MAPRE2: variants seen among roughly 807,000 people sequenced by gnomAD.
MAPRE2 encodes microtubule associated protein RP/EB family member 2.
In MAPRE2, 13 loss-of-function variants were observed where a neutral mutation model predicts 43.2. The ratio of observed to expected loss-of-function variants is 0.30; its 90% CI spans 0.20 to 0.48. The LOEUF is 0.48. Ranked by LOEUF, MAPRE2 falls within the 20% of genes least tolerant of loss-of-function variation. The probability of loss-of-function intolerance (pLI) is 0.99; values close to 1 mark genes in which losing one functional copy is unlikely to be tolerated. For missense variants in MAPRE2, 161 were observed against 400.2 expected (o/e 0.40, Z 5.10); for synonymous variants, 135 against 148.8 (o/e 0.91, Z 0.68).
At chr18:34,980,082 G>T (rs1250369716) in intron 1 of MAPRE2, among the ~76,000 whole-genome samples, 8 of 138,862 alleles carry the variant, frequency 5.8e-5, no homozygotes, top group African/African-American at 2.3e-4. Context: ...TGTTGCCCAG[G>T]CTGGCACGAT....
intron 1 of MAPRE2, among the ~76,000 whole-genome samples, chr18:35,042,788 T>C (rs185183889): frequency 1.2e-4 from 18 of 152,316 alleles, no homozygotes; most frequent in African/African-American, 4.3e-4. Context: ...TTTTCCTTTT[T>C]AGAGCCGTCA....
chr18:35,121,274 G>A (rs997274970), intron 4 of MAPRE2, among the ~76,000 whole-genome samples: 1 of 152,040 alleles, frequency 6.6e-6, no homozygotes, highest in Non-Finnish European at 1.5e-5. Flanking sequence ...TAATGCCCTG[G>A]CTTCACTAAG....
At chr18:35,070,387 A>G (rs1032019483) in intron 2 of MAPRE2, 65 bp downstream of exon 2, 1 of 1,387,180 alleles carries the variant, frequency 7.2e-7, no homozygotes, top group Non-Finnish European at 9.6e-7. Flanking sequence ...ATGTGATTTT[A>G]TGAACCACAG....
upstream of MAPRE2, chr18:35,041,311 T>G: frequency 7.1e-7 from 1 of 1,417,246 alleles, no homozygotes; most frequent in Non-Finnish European, 9.2e-7. Flanking sequence ...CGGGTTGCCA[T>G]GGCAACAGGC....
At chr18:35,134,211 T>C (rs1008760711) in intron 6 of MAPRE2, among the ~76,000 whole-genome samples, 2 of 152,106 alleles carry the variant, frequency 1.3e-5, no homozygotes, top group African/African-American at 4.8e-5. Context: ...AGCAGAGAGG[T>C]TGAATAACTT....
rs80156959 is a variant in MAPRE2 at position 35,083,007 on chromosome 18, T to G, written c.250+12685T>G. 2.8e-3 allele frequency among the ~76,000 whole-genome samples: 423 copies of G among 152,324 alleles called. 3 individuals carry two copies. Among genetic ancestry groups the G allele is most frequent in the African/African-American group, 9.5e-3 (395 of 41,580 alleles). On this transcript the variant is annotated intron_variant, in intron 2 of 6. Transcript: ENST00000300249. ...TAAGGTCATATTCCTCAATAAGTAT[T>G]TGCTGGTTTGTTTAACATTGCTAAA...
At chr18:35,107,219 T>C (rs1908950992) in intron 4 of MAPRE2, among the ~76,000 whole-genome samples, 1 of 152,202 alleles carries the variant, frequency 6.6e-6, no homozygotes, top group South Asian at 2.1e-4. Flanking sequence ...CAAAAGTGGT[T>C]TCAAAAGGAA....
At chr18:35,098,237 T>A (rs780001181) in intron 3 of MAPRE2, among the ~76,000 whole-genome samples, 35 of 152,204 alleles carry the variant, frequency 2.3e-4, no homozygotes, top group Non-Finnish European at 3.5e-4. Flanking sequence ...TTACTGCTAT[T>A]TAAATACATA....
chr18:35,070,170 TA>T, intron 1 of MAPRE2, 24 bp from the exon 2 acceptor site: 1 of 1,572,532 alleles, frequency 6.4e-7, no homozygotes. Flanking sequence ...TCCTTGTTGT[TA>T]AATAAACTTT....
chr18:35,060,437 G>A (rs1234403716), intron 1 of MAPRE2, among the ~76,000 whole-genome samples: 2 of 152,162 alleles, frequency 1.3e-5, no homozygotes, highest in Non-Finnish European at 2.9e-5. Flanking sequence ...GGACATTTAG[G>A]CAAATATAAT....
At chr18:35,036,069 G>A (rs1313138985) in intron 2 of MAPRE2, among the ~76,000 whole-genome samples, 1 of 150,946 alleles carries the variant, frequency 6.6e-6, no homozygotes, top group Non-Finnish European at 1.5e-5. Context: ...CACATTATGA[G>A]AAACTTTATC....
intron 1 of MAPRE2, among the ~76,000 whole-genome samples, chr18:35,051,330 T>C (rs921704327): frequency 3.3e-5 from 5 of 152,122 alleles, no homozygotes; most frequent in African/African-American, 1.2e-4. Flanking sequence ...AGTCCCTTAA[T>C]GGGGCCTGGA....
intron 4 of MAPRE2, among the ~76,000 whole-genome samples, chr18:35,107,644 C>T (rs186981489): frequency 2.6e-5 from 4 of 152,150 alleles, no homozygotes; most frequent in East Asian, 1.9e-4. Context: ...TTTTGGTCAG[C>T]GGACCACATG....
chr18:34,998,947 G>C (rs1568967024), intron 1 of MAPRE2, among the ~76,000 whole-genome samples: 1 of 151,956 alleles, frequency 6.6e-6, no homozygotes, highest in East Asian at 1.9e-4. Context: ...GTCTTACTTA[G>C]ATTTCACATG....
At chr18:35,125,418 A>G (rs1377297933) in intron 4 of MAPRE2, among the ~76,000 whole-genome samples, 1 of 152,274 alleles carries the variant, frequency 6.6e-6, no homozygotes. Flanking sequence ...ACTTGTTTAT[A>G]TAGTTAGTTA....
intron 6 of MAPRE2, among the ~76,000 whole-genome samples, chr18:35,132,892 C>T (rs915843169): frequency 5.9e-5 from 9 of 152,244 alleles, no homozygotes; most frequent in East Asian, 5.8e-4. Flanking sequence ...CAAGGCACCC[C>T]GGGTCTGCCA....
At chr18:35,075,314 G>A (rs536756919) in intron 2 of MAPRE2, among the ~76,000 whole-genome samples, 3 of 152,250 alleles carry the variant, frequency 2.0e-5, no homozygotes, top group African/African-American at 4.8e-5. Context: ...ATTTTTGGCC[G>A]CAGATTTGTG....
intron 1 of MAPRE2, among the ~76,000 whole-genome samples, chr18:35,065,126 C>T (rs892031794): frequency 3.9e-5 from 6 of 151,974 alleles, no homozygotes; most frequent in Non-Finnish European, 8.8e-5. Flanking sequence ...GAAACCCTGT[C>T]TGTACTAAAA....
chr18:35,141,669 A>C lies in MAPRE2; in HGVS notation c.*1300A>C, dbSNP rs1476604407. On this transcript the variant is annotated 3_prime_UTR_variant, in exon 7 of 7. Coordinates refer to ENST00000300249, the MANE Select transcript of MAPRE2 (RefSeq NM_014268.4). The stretch of plus-strand genomic sequence containing the variant: ...AAGTCTTTGCCTCTTTTTTTTCTTT[A>C]TTTTTATTTTTTCCTTTGACAGATG... The C allele has an allele frequency of 6.7e-6, 1 of 149,594 alleles. No homozygotes were observed. Among genetic ancestry groups the C allele is most frequent in the Admixed American group, 6.6e-5 (1 of 15,064 alleles). The allele number at this position is 149,594 out of a possible 1,614,324, so 9.3% of individuals were successfully genotyped here. A position where few individuals can be genotyped will look rare whatever the true frequency, so the allele number is the denominator to read the frequency against.
Sources: gnomAD v4.1 joint callset for allele counts (sites outside exome capture counted in the v4.1 genomes callset) on GRCh38, gnomAD v4.1.1 for gene constraint, MANE v1.5 for transcripts, NCBI Gene and HGNC (gene_info 2026-07-23, HGNC 2026-07-21) for gene names.